The following FGF10 variants were observed in gnomAD, a reference collection of about 807,000 sequenced individuals.
FGF10 encodes the protein FGF-10.
A neutral mutation model predicts 19.8 loss-of-function variants in FGF10; 2 were observed. The observed-to-expected ratio is 0.10, with a 90% CI of 0.04 to 0.32. The LOEUF (loss-of-function observed/expected upper bound fraction) is 0.32. Among genes scored for constraint, FGF10 ranks in the 10% least tolerant of loss-of-function variants. FGF10 has a pLI of 1.00. For synonymous variants in FGF10, 112 were observed against 94.0 expected, an observed-to-expected ratio of 1.19 and a Z score of -1.10; for missense variants, 191 against 246.3, an observed-to-expected ratio of 0.78 and a Z score of 1.50.
intron 1 of FGF10, among the ~76,000 whole-genome samples, chr5:44,314,873 A>G (rs996206050): frequency 4.5e-4 from 68 of 152,290 alleles, no homozygotes; most frequent in Admixed American, 2.9e-3. Flanking sequence ...ATATTTTTCC[A>G]TAAACACAAA....
At chr5:44,362,790 C>T (rs897188270) in intron 1 of FGF10, among the ~76,000 whole-genome samples, 1 of 151,510 alleles carries the variant, frequency 6.6e-6, no homozygotes, top group African/African-American at 2.4e-5. Context: ...TTTGAATTGA[C>T]ACTATTCAGC....
chr5:44,361,071 G>T (rs75467602), intron 1 of FGF10, among the ~76,000 whole-genome samples: 2,000 of 151,716 alleles, frequency 0.013, 87 homozygotes, highest in East Asian at 0.12. Context: ...TTGTTAAAAG[G>T]TACTCTGTAT....
chr5:44,370,057 A>G (rs917260712), intron 1 of FGF10, among the ~76,000 whole-genome samples: 1 of 152,040 alleles, frequency 6.6e-6, no homozygotes, highest in Admixed American at 6.6e-5. Flanking sequence ...GTGCATCTAG[A>G]ATGAGACTTT....
intron 1 of FGF10, among the ~76,000 whole-genome samples, chr5:44,362,342 T>C (rs960762798): frequency 2.0e-5 from 3 of 151,814 alleles, no homozygotes. Context: ...CCTTTCCTAG[T>C]ATTCTTGCTC....
intron 1 of FGF10, among the ~76,000 whole-genome samples, chr5:44,381,267 C>T (rs892057587): frequency 4.6e-5 from 7 of 152,012 alleles, no homozygotes; most frequent in Non-Finnish European, 8.8e-5. Context: ...AATGAGAAGA[C>T]GGTCCTGATG....
At chr5:44,377,224 G>C (rs1340239409) in intron 1 of FGF10, among the ~76,000 whole-genome samples, 5 of 152,162 alleles carry the variant, frequency 3.3e-5, no homozygotes, top group African/African-American at 9.7e-5. Context: ...CCCTCAGTTA[G>C]AGACTGCTGT....
Position 44,301,927 on chromosome 5 carries a change from C to A in FGF10, c.*3068G>T, listed in dbSNP as rs193078498. 2.5e-3 allele frequency among the ~76,000 whole-genome samples: 385 copies of A among 152,076 alleles called. 1 individual carries two copies. The highest frequency in any genetic ancestry group is 8.8e-3 in the African/African-American group (364 of 41,502). On this transcript the variant is annotated 3_prime_UTR_variant, in exon 3 of 3. Transcript: ENST00000264664. ...ATACTATACACTGTTCAGCCTTTTG[C>A]GAGTTAGGAGGAGGGAGTGATTCTA...
intron 1 of FGF10, among the ~76,000 whole-genome samples, chr5:44,326,858 A>T (rs1476080349): frequency 6.6e-6 from 1 of 152,066 alleles, no homozygotes; most frequent in Non-Finnish European, 1.5e-5. Flanking sequence ...TGGCAAACTC[A>T]TTTTTTCCTA....
chr5:44,343,928 G>A (rs974310209), intron 1 of FGF10, among the ~76,000 whole-genome samples: 2 of 151,936 alleles, frequency 1.3e-5, no homozygotes, highest in African/African-American at 4.8e-5. Context: ...TGACAAATAT[G>A]GCAACATTTG....
chr5:44,316,014 C>T (rs185263415), intron 1 of FGF10, among the ~76,000 whole-genome samples: 9 of 152,282 alleles, frequency 5.9e-5, no homozygotes, highest in South Asian at 2.1e-4. Flanking sequence ...CAAGCGAGAG[C>T]GAGGTTTCAA....
intron 1 of FGF10, among the ~76,000 whole-genome samples, chr5:44,311,112 G>C (rs1436227364): frequency 6.6e-6 from 1 of 151,912 alleles, no homozygotes; most frequent in Non-Finnish European, 1.5e-5. Flanking sequence ...CATCTGCACT[G>C]TCCCTGAAAT....
intron 1 of FGF10, among the ~76,000 whole-genome samples, chr5:44,380,151 A>G (rs1045033015): frequency 2.0e-4 from 30 of 152,248 alleles, no homozygotes; most frequent in Non-Finnish European, 7.3e-5. Flanking sequence ...TATCAATAGT[A>G]TGTAAATCAG....
chr5:44,381,166 T>G (rs1038381962), intron 1 of FGF10, among the ~76,000 whole-genome samples: 1 of 152,248 alleles, frequency 6.6e-6, no homozygotes, highest in Non-Finnish European at 1.5e-5. Flanking sequence ...TGAAGGGGGC[T>G]TATCAGTGGT....
intron 1 of FGF10, among the ~76,000 whole-genome samples, chr5:44,331,685 T>C (rs1419904366): frequency 2.0e-5 from 3 of 152,168 alleles, no homozygotes; most frequent in Non-Finnish European, 4.4e-5. Flanking sequence ...TCATCACCTT[T>C]TGTGTCTCTG....
At chr5:44,377,576 C>G (rs1741894446) in intron 1 of FGF10, among the ~76,000 whole-genome samples, 1 of 152,092 alleles carries the variant, frequency 6.6e-6, no homozygotes. Flanking sequence ...TTTCTTTTAA[C>G]CTTTTACAGC....
chr5:44,354,441 A>G (rs1741302055), intron 1 of FGF10, among the ~76,000 whole-genome samples: 1 of 151,364 alleles, frequency 6.6e-6, no homozygotes, highest in Admixed American at 6.6e-5. Context: ...CAACTATCTC[A>G]TACTAAAGGA....
At chr5:44,311,352 T>C (rs1740207435) in intron 1 of FGF10, among the ~76,000 whole-genome samples, 1 of 152,062 alleles carries the variant, frequency 6.6e-6, no homozygotes, top group South Asian at 2.1e-4. Context: ...TGCCCACCCA[T>C]TTTAGTTTAA....
At chr5:44,345,633 C>CAA (rs199895920) in intron 1 of FGF10, among the ~76,000 whole-genome samples, 1 of 134,426 alleles carries the variant, frequency 7.4e-6, no homozygotes, top group East Asian at 2.2e-4. Context: ...TTTCTCAGCT[C>CAA]AAAAAAAAAA....
chr5:44,365,771 C>T (rs1247504174), intron 1 of FGF10, among the ~76,000 whole-genome samples: 1 of 151,962 alleles, frequency 6.6e-6, no homozygotes, highest in African/African-American at 2.4e-5. Context: ...GGGGAAAATG[C>T]ACATGGTTAG....
Sources: gnomAD v4.1 joint callset for allele counts (sites outside exome capture counted in the v4.1 genomes callset) on GRCh38, gnomAD v4.1.1 for gene constraint, MANE v1.5 for transcripts, NCBI Gene and HGNC (gene_info 2026-07-23, HGNC 2026-07-21) for gene names.